Variants in ADAP2 observed in about 807,000 individuals in gnomAD.
ADAP2 encodes arf-GAP with dual PH domain-containing protein 2.
In ADAP2, 42 loss-of-function variants were observed where a neutral mutation model predicts 54.9. The observed-to-expected ratio is 0.77, with a 90% CI of 0.60 to 0.99. The LOEUF (loss-of-function observed/expected upper bound fraction) is 0.99, where lower values mean the gene tolerates loss of function less well. Ranked by LOEUF, ADAP2 falls within the 50% of genes least tolerant of loss-of-function variation. ADAP2 has a pLI of 0.00. For synonymous variants in ADAP2, 177 were observed against 180.1 expected (o/e 0.98, Z 0.14); for missense variants, 429 against 480.4 (o/e 0.89, Z 1.00).
intron 3 of ADAP2, 117 bp downstream of exon 3, chr17:30,927,035 G>A (rs1259562497): frequency 2.7e-6 from 2 of 749,482 alleles, no homozygotes; most frequent in Non-Finnish European, 4.5e-6. Context: ...CTGGTGCGCA[G>A]GTGGATCCAG....
At chr17:30,922,911 C>G in intron 1 of ADAP2, 29 bp from the exon 2 acceptor site, 3 of 1,606,624 alleles carry the variant, frequency 1.9e-6, no homozygotes, top group Non-Finnish European at 2.6e-6. Flanking sequence ...GCTTTCCGCT[C>G]AGCTCCTCTC....
chr17:30,956,324 A>AGGAAATCGCT lies in ADAP2; in HGVS notation c.972_981dup (p.Ala328SerfsTer22). ...ACGAAGACCTGCCCAAGGGCATCCG[A>AGGAAATCGCT]GGAAATCGCTGGAAAGCCGGACTCA... On this transcript the variant is annotated frameshift_variant, in exon 10 of 11. Transcript: ENST00000330889. LOFTEE classifies it high-confidence loss of function. 1 of 1,614,202 alleles carries AGGAAATCGCT rather than the reference A, an allele frequency of 6.2e-7. No homozygotes were observed. Among genetic ancestry groups the AGGAAATCGCT allele is most frequent in the South Asian group, 1.1e-5 (1 of 91,080 alleles).
intron 2 of ADAP2, among the ~76,000 whole-genome samples, chr17:30,925,225 A>C (rs1598022397): frequency 1.9e-5 from 2 of 106,802 alleles, no homozygotes; most frequent in South Asian, 2.8e-4. Flanking sequence ...TCACTCTGTC[A>C]CCCAGCCTGG....
intron 2 of ADAP2, among the ~76,000 whole-genome samples, chr17:30,925,548 C>CCTTCTT (rs147908233): frequency 1.3e-5 from 2 of 149,906 alleles, no homozygotes; most frequent in Non-Finnish European, 3.0e-5. Flanking sequence ...CTTCCTTCTT[C>CCTTCTT]CTTCTTCTTC....
intron 5 of ADAP2, among the ~76,000 whole-genome samples, chr17:30,944,123 C>T (rs561389064): frequency 3.4e-4 from 51 of 152,044 alleles, no homozygotes; most frequent in Middle Eastern, 3.4e-3. Flanking sequence ...ACCTGGGAGG[C>T]GGAGTTTGCA....
chr17:30,940,414 C>T (rs1353169766), intron 5 of ADAP2, among the ~76,000 whole-genome samples: 1 of 151,780 alleles, frequency 6.6e-6, no homozygotes, highest in African/African-American at 2.4e-5. Context: ...AAGTGATTGT[C>T]CTGCCTCAGC....
chr17:30,926,799 A>G (rs775443875), intron 2 of ADAP2, 28 bp from the exon 3 acceptor site: 5 of 1,605,512 alleles, frequency 3.1e-6, no homozygotes. Flanking sequence ...AAGTTCTAAT[A>G]TTACCTCAGG....
At chr17:30,950,686 G>T (rs953614329) in intron 7 of ADAP2, among the ~76,000 whole-genome samples, 4 of 152,160 alleles carry the variant, frequency 2.6e-5, no homozygotes, top group African/African-American at 9.6e-5. Context: ...GTCTGGAATA[G>T]GGTCCCCTCC....
At chr17:30,927,329 G>C (rs1231672939) in intron 3 of ADAP2, among the ~76,000 whole-genome samples, 1 of 152,084 alleles carries the variant, frequency 6.6e-6, no homozygotes, top group South Asian at 2.1e-4. Flanking sequence ...TATGTCTAGA[G>C]CTGGCCAGGC....
intron 7 of ADAP2, among the ~76,000 whole-genome samples, chr17:30,949,576 G>A (rs1434523489): frequency 6.6e-6 from 1 of 151,800 alleles, no homozygotes; most frequent in African/African-American, 2.4e-5. Context: ...GTGAAACCCC[G>A]TCTCTACTAA....
At position 30,954,414 on chromosome 17, in the gene ADAP2, C is replaced by T; in HGVS notation, c.805-64C>T. 6 of 1,457,600 alleles carry T rather than the reference C, an allele frequency of 4.1e-6. 1 individual carries two copies. In the South Asian group the frequency reaches 6.8e-5, roughly 17 times the overall value. The allele number at this position is 1,457,600 out of a possible 1,614,324, so 90.3% of individuals were successfully genotyped here. A position where few individuals can be genotyped will look rare whatever the true frequency, so the allele number is the denominator to read the frequency against. On this transcript the variant is annotated intron_variant, in intron 8 of 10. Transcript: ENST00000330889. ...GCTCCTTTGGTTTGGGCTGGGCTGGCCCCTGACCTCTATCCTCAGAAACTG... is the reference window on the plus strand; with the variant it reads ...GCTCCTTTGGTTTGGGCTGGGCTGGTCCCTGACCTCTATCCTCAGAAACTG...
chr17:30,950,381 C>G (rs1200834556), intron 7 of ADAP2, among the ~76,000 whole-genome samples: 1 of 152,150 alleles, frequency 6.6e-6, no homozygotes, highest in Non-Finnish European at 1.5e-5. Flanking sequence ...GAAGCCTGGG[C>G]TCTCAGGGAT....
At position 30,934,040 on chromosome 17, in the gene ADAP2, T is replaced by C. The variant is rs79753180; in HGVS notation, c.398-145T>C. ...GGCCACAGATGGGATCCTTGTGTTC[T>C]GCAGCTGAAATAGGGAAGTCTGAGT... On this transcript the variant is annotated intron_variant, in intron 4 of 10. Coordinates refer to ENST00000330889, the MANE Select transcript of ADAP2 (RefSeq NM_018404.3). 1,360 of 614,790 alleles carry C rather than the reference T, an allele frequency of 2.2e-3. 17 individuals are homozygous for C. The African/African-American group carries it at 0.023, about 10-fold the overall frequency. 38.1% of individuals were successfully genotyped at this position (614,790 alleles called of 1,614,324 possible).
intron 3 of ADAP2, among the ~76,000 whole-genome samples, chr17:30,930,913 T>A (rs1198546692): frequency 6.6e-6 from 1 of 152,182 alleles, no homozygotes; most frequent in Non-Finnish European, 1.5e-5. Flanking sequence ...GCCCTTTATA[T>A]ACATTTAAAC....
chr17:30,927,685 C>A (rs1292584813), intron 3 of ADAP2, among the ~76,000 whole-genome samples: 1 of 151,288 alleles, frequency 6.6e-6, no homozygotes, highest in African/African-American at 2.4e-5. Context: ...TGGCTCTAAA[C>A]AACTTGCCTG....
At chr17:30,930,481 G>A (rs1334214474) in intron 3 of ADAP2, among the ~76,000 whole-genome samples, 1 of 152,166 alleles carries the variant, frequency 6.6e-6, no homozygotes, top group African/African-American at 2.4e-5. Flanking sequence ...CAAGCCAGGA[G>A]CTCACACACC....
At position 30,957,933 on chromosome 17, in the gene ADAP2, C is replaced by T. The variant is rs1905191747; in HGVS notation, c.*64C>T. 6.6e-7 allele frequency: 1 copy of T among 1,525,908 alleles called. No individual in the cohort carries two copies. Among genetic ancestry groups the T allele is most frequent in the Non-Finnish European group, 9.0e-7 (1 of 1,111,082 alleles). 94.5% of individuals were successfully genotyped at this position (1,525,908 alleles called of 1,614,324 possible). Reference sequence around the variant, plus strand: ...AACTCCTTGTGGGAAGAAGTTTGCACCTCGGCCCTGGCTGCCCACCATCAG... The same window carrying T: ...AACTCCTTGTGGGAAGAAGTTTGCATCTCGGCCCTGGCTGCCCACCATCAG... On this transcript the variant is annotated 3_prime_UTR_variant, in exon 11 of 11. Coordinates refer to ENST00000330889, the MANE Select transcript of ADAP2 (RefSeq NM_018404.3).
intron 6 of ADAP2, among the ~76,000 whole-genome samples, chr17:30,945,440 C>T (rs1912594582): frequency 6.6e-6 from 1 of 152,086 alleles, no homozygotes; most frequent in Non-Finnish European, 1.5e-5. Context: ...GGTCCTGGCC[C>T]AACAGCATTG....
intron 9 of ADAP2, among the ~76,000 whole-genome samples, 162 bp from the exon 10 acceptor site, chr17:30,956,079 T>C (rs1385949647): frequency 6.6e-6 from 1 of 152,092 alleles, no homozygotes; most frequent in East Asian, 1.9e-4. Flanking sequence ...GTGTATGATT[T>C]ATTTTAGGGT....
Sources: allele counts gnomAD v4.1 joint callset (sites outside exome capture counted in the v4.1 genomes callset), GRCh38; gene constraint gnomAD v4.1.1; transcripts MANE v1.5; gene names NCBI Gene and HGNC (gene_info 2026-07-23, HGNC 2026-07-21).